RIMBP2: variants seen among roughly 807,000 people sequenced by gnomAD.
RIMBP2 encodes RIMS binding protein 2, also known as RIMS-binding protein 2.
Under a neutral mutation model 118.6 loss-of-function variants are expected in RIMBP2, and 48 were observed. The ratio of observed to expected loss-of-function variants is 0.40; its 90% CI spans 0.32 to 0.51. RIMBP2 has a LOEUF of 0.51. RIMBP2 is among the 20% of genes least tolerant of loss of function. The pLI, the probability that RIMBP2 is intolerant of heterozygous loss-of-function variation, is 0.41. For missense variants in RIMBP2, 1,551 were observed against 1,768.3 expected (o/e 0.88, Z 2.20); for synonymous variants, 762 against 742.9 (o/e 1.03, Z -0.42).
intron 4 of RIMBP2, among the ~76,000 whole-genome samples, chr12:130,505,067 G>C (rs924955673): frequency 3.3e-5 from 5 of 152,180 alleles, no homozygotes; most frequent in African/African-American, 1.2e-4. Context: ...GGTTGGATAA[G>C]TCACGGTGTG....
Position 130,428,324 on chromosome 12 carries a change from T to C in RIMBP2, c.2267A>G (p.His756Arg). 1 of 1,609,526 alleles carries C rather than the reference T, an allele frequency of 6.2e-7. No individual in the cohort carries two copies. Among genetic ancestry groups the C allele is most frequent in the Non-Finnish European group, 8.5e-7 (1 of 1,177,796 alleles). Residue 756 changes from histidine to arginine, a missense_variant, in exon 15 of 23, where the codon CAT becomes CGT. Around this residue, in one of 5 missense-constraint regions of RIMBP2, gnomAD observed 1,038 missense variants for 1,125.1 expected, o/e 0.92. Transcript: ENST00000690449. ...GCTCTCTGTGTGGTACTCGTCTCCA[T>C]GGCAACAGTGCGGCTGGGGGCCAAG... Reference protein sequence around the residue: ...SELGKQPHCCHGDEYHTESSR... With the variant: ...SELGKQPHCCRGDEYHTESSR...
intron 2 of RIMBP2, among the ~76,000 whole-genome samples, chr12:130,600,708 T>C (rs2059826140): frequency 6.6e-6 from 1 of 152,184 alleles, no homozygotes; most frequent in African/African-American, 2.4e-5. Flanking sequence ...CACAAAAACA[T>C]TCCAAGCTTG....
At position 130,474,232 on chromosome 12, in the gene RIMBP2, G is replaced by A. The variant is rs889397750; in HGVS notation, c.103-3489C>T. On this transcript the variant is annotated intron_variant, in intron 5 of 22. Coordinates refer to ENST00000690449, the MANE Select transcript of RIMBP2 (RefSeq NM_001393629.1). Reference sequence around the variant, plus strand: ...TTATCCGTCACATGGAGAAAACAATGGTGCCTCCGCCCCGCAGGTTACACG... The same window carrying A: ...TTATCCGTCACATGGAGAAAACAATAGTGCCTCCGCCCCGCAGGTTACACG... Among the ~76,000 whole-genome samples the A allele has an allele frequency of 4.6e-5, 7 of 152,130 alleles. 1 individual carries two copies. Among genetic ancestry groups the A allele is most frequent in the Admixed American group, 3.9e-4 (6 of 15,260 alleles).
At chr12:130,610,219 G>C (rs937920796) in intron 2 of RIMBP2, among the ~76,000 whole-genome samples, 7 of 151,082 alleles carry the variant, frequency 4.6e-5, no homozygotes, top group Non-Finnish European at 8.8e-5. Context: ...GGTCCCTCCC[G>C]TTCTGGGGGA....
intron 1 of RIMBP2, among the ~76,000 whole-genome samples, chr12:130,651,841 C>A (rs972358743): frequency 2.0e-5 from 3 of 152,100 alleles, no homozygotes; most frequent in Non-Finnish European, 2.9e-5. Flanking sequence ...AGTCCTGTGT[C>A]TTAGCAGTTA....
At position 130,446,914 on chromosome 12, in the gene RIMBP2, G is replaced by C. The variant is rs2078567813; in HGVS notation, c.582-1645C>G. ...CTGTGGAAATGCGGGTTGCCTGGCT[G>C]CAGGGATGAGGGACTGAGGTGCAGG... is the stretch of plus-strand genomic sequence containing the variant. On this transcript the variant is annotated intron_variant, in intron 9 of 22. Transcript: ENST00000690449. The surrounding 1 kb of genome is among the most constrained non-coding windows in gnomAD (Gnocchi z 4.1). Among the ~76,000 whole-genome samples the C allele has an allele frequency of 6.6e-6, 1 of 151,978 alleles. No homozygotes were observed. Among genetic ancestry groups the C allele is most frequent in the Non-Finnish European group, 1.5e-5 (1 of 68,006 alleles).
Position 130,442,490 on chromosome 12 carries a change from T to C in RIMBP2, c.862A>G (p.Thr288Ala), listed in dbSNP as rs2078212096. The C allele has an allele frequency of 6.2e-7, 1 of 1,614,120 alleles. No individual in the cohort carries two copies. Residue 288 changes from threonine to alanine, a missense_variant, in exon 11 of 23, where the codon ACC becomes GCC. Around this residue, in one of 5 missense-constraint regions of RIMBP2, gnomAD observed 265 missense variants for 349.5 expected, o/e 0.76. Coordinates refer to ENST00000690449, the MANE Select transcript of RIMBP2 (RefSeq NM_001393629.1). This position sits in a 1 kb window ranked among gnomAD's most constrained non-coding sequence, Gnocchi z 6.9. ...GEHILDLHSP[T>A]HIDAGITDNS... is the part of the protein sequence containing the mutation. ...TCGGTGATGCCCGCATCTATGTGGG[T>C]TGGGGAGTGGAGGTCCAGGATGTGC...
At chr12:130,416,656 C>T (rs1199172848) in intron 17 of RIMBP2, among the ~76,000 whole-genome samples, 1 of 152,182 alleles carries the variant, frequency 6.6e-6, no homozygotes, top group Non-Finnish European at 1.5e-5. Flanking sequence ...TTCTGGACAT[C>T]AGCCTTGGCA....
Position 130,446,608 on chromosome 12 carries a change from C to T in RIMBP2, c.582-1339G>A, listed in dbSNP as rs2078542002. Among the ~76,000 whole-genome samples the T allele has an allele frequency of 6.6e-6, 1 of 152,152 alleles. No homozygotes were observed. The highest frequency in any genetic ancestry group is 2.4e-5 in the African/African-American group (1 of 41,418). On this transcript the variant is annotated intron_variant, in intron 9 of 22. Coordinates refer to ENST00000690449, the MANE Select transcript of RIMBP2 (RefSeq NM_001393629.1). This position sits in a 1 kb window ranked among gnomAD's most constrained non-coding sequence, Gnocchi z 4.1. ...GTGCACCAGGAACTGACATGGGCCA[C>T]CCTCTAACACAAAGCTCGGCAGTGG...
intron 1 of RIMBP2, among the ~76,000 whole-genome samples, chr12:130,704,231 G>A (rs769332102): frequency 6.6e-6 from 1 of 151,932 alleles, no homozygotes; most frequent in African/African-American, 2.4e-5. Context: ...AACTCAACCC[G>A]CGTCCCAAAG....
Position 130,450,100 on chromosome 12 carries a change from T to G in RIMBP2, c.581+100A>C. 1 of 768,126 alleles carries G rather than the reference T, an allele frequency of 1.3e-6. No homozygotes were observed. The highest frequency in any genetic ancestry group is 2.2e-6 in the Non-Finnish European group (1 of 453,966). The allele number at this position is 768,126 out of a possible 1,614,324, so 47.6% of individuals were successfully genotyped here. On this transcript the variant is annotated intron_variant, in intron 9 of 22. Transcript: ENST00000690449. This position sits in a 1 kb window ranked among gnomAD's most constrained non-coding sequence, Gnocchi z 4.8. ...GAAATCCCACCTTCTCCTCGTGCCC[T>G]GGGAGAAGGGAACTTCTCAGACCCC...
chr12:130,442,174 C>T lies in RIMBP2; in HGVS notation c.1178G>A (p.Ser393Asn), dbSNP rs1329240396. The change falls in exon 11 of 23, where the codon AGC becomes AAC. Residue 393 changes from serine to asparagine, a missense_variant. Physicochemically the swap from Ser to Asn is conservative, Grantham distance 46. This residue lies in a region of RIMBP2 where 265 missense variants were observed against 349.5 expected (regional missense o/e 0.76). Transcript: ENST00000690449. This position sits in a 1 kb window ranked among gnomAD's most constrained non-coding sequence, Gnocchi z 6.9. ...ISVQCVTSRG[S>N]SDELQCTLLV... ...CAGCGTGCACTGCAGCTCATCCGAGCTGCCCCTGCTGGTGACGCACTGCAC... is the reference window on the plus strand; with the variant it reads ...CAGCGTGCACTGCAGCTCATCCGAGTTGCCCCTGCTGGTGACGCACTGCAC... 1 of 1,614,208 alleles carries T rather than the reference C, an allele frequency of 6.2e-7. No homozygotes were observed. The highest frequency in any genetic ancestry group is 1.1e-5 in the South Asian group (1 of 91,086).
intron 1 of RIMBP2, among the ~76,000 whole-genome samples, chr12:130,641,982 G>A (rs949011405): frequency 2.6e-5 from 4 of 152,098 alleles, no homozygotes; most frequent in African/African-American, 7.2e-5. Context: ...TGAGAAAACT[G>A]AGGCAACCAG....
chr12:130,441,822 G>C (rs2078163182), intron 11 of RIMBP2, 26 bp downstream of exon 11: 1 of 1,593,512 alleles, frequency 6.3e-7, no homozygotes, highest in South Asian at 1.1e-5. Flanking sequence ...CTCCCTGGGG[G>C]ACCCACGGAA....
chr12:130,690,726 C>T (rs188867984), intron 1 of RIMBP2, among the ~76,000 whole-genome samples: 30 of 152,146 alleles, frequency 2.0e-4, no homozygotes, highest in Admixed American at 2.0e-4. Context: ...CTCCAAACAC[C>T]GAGGAAAATG....
chr12:130,713,516 A>C (rs757679222), intron 1 of RIMBP2, among the ~76,000 whole-genome samples: 2 of 152,260 alleles, frequency 1.3e-5, no homozygotes, highest in Non-Finnish European at 2.9e-5. Context: ...TAAGCCATGC[A>C]CTACCACTAT....
At chr12:130,663,767 T>C (rs1005128236) in intron 1 of RIMBP2, among the ~76,000 whole-genome samples, 1 of 151,750 alleles carries the variant, frequency 6.6e-6, no homozygotes, top group African/African-American at 2.4e-5. Flanking sequence ...ACTGGCTTCC[T>C]GACTGGCAAC....
intron 12 of RIMBP2, 24 bp downstream of exon 12, chr12:130,438,341 C>CCCA (rs1555249209): frequency 7.2e-7 from 1 of 1,387,436 alleles, no homozygotes; most frequent in Non-Finnish European, 1.0e-6. Flanking sequence ...ACAAACCCTC[C>CCCA]CCACCCACCC....
chr12:130,686,854 AG>A (rs1407087496), intron 1 of RIMBP2, among the ~76,000 whole-genome samples: 2 of 152,162 alleles, frequency 1.3e-5, no homozygotes, highest in African/African-American at 4.8e-5. Context: ...CTCTGCTGGG[AG>A]GAAGAGGCCG....
Sources: gnomAD v4.1 joint callset for allele counts (sites outside exome capture counted in the v4.1 genomes callset) on GRCh38, gnomAD v4.1.1 for gene constraint, gnomAD v4.1.1 regional missense constraint, Gnocchi (gnomAD v3.1) non-coding constraint, MANE v1.5 for transcripts, NCBI Gene and HGNC (gene_info 2026-07-23, HGNC 2026-07-21) for gene names.